Variants in USP10 observed in about 807,000 individuals in gnomAD.
USP10 encodes ubiquitin carboxyl-terminal hydrolase 10.
Under a neutral mutation model 84.5 loss-of-function variants are expected in USP10, and 22 were observed. The ratio of observed to expected loss-of-function variants is 0.26; its 90% CI spans 0.19 to 0.37. USP10 has a LOEUF of 0.37. USP10 is among the 10% of genes least tolerant of loss of function. The pLI, the probability that USP10 is intolerant of heterozygous loss-of-function variation, is 1.00. For missense variants in USP10, 1,019 were observed against 998.9 expected, an observed-to-expected ratio of 1.02 and a Z score of -0.27; for synonymous variants, 454 against 387.6, an observed-to-expected ratio of 1.17 and a Z score of -2.01.
chr16:84,721,918 G>C (rs931285157), intron 1 of USP10, among the ~76,000 whole-genome samples: 1 of 152,160 alleles, frequency 6.6e-6, no homozygotes, highest in Admixed American at 6.5e-5. Context: ...GGCTGATCTT[G>C]AACTCCTCTC....
intron 8 of USP10, 92 bp downstream of exon 8, chr16:84,760,367 G>T: frequency 8.9e-7 from 1 of 1,120,290 alleles, no homozygotes. Context: ...TTTGCCCTCT[G>T]TCTCCAGCGC....
rs115844061 is a variant in USP10, at chr16:84,759,255, G to A, written c.1285-108G>A. ...TGGTGACATATCTAAGTAGTTCAAC[G>A]TCCTTAGCTTCCTTGTGTTTTTATA... On this transcript the variant is annotated intron_variant, in intron 5 of 13. Transcript: ENST00000219473. 1.0e-3 allele frequency: 1,046 copies of A among 1,025,702 alleles called. 6 individuals are homozygous for A. The African/African-American group carries it at 0.015, about 15-fold the overall frequency. 63.5% of individuals were successfully genotyped at this position (1,025,702 alleles called of 1,614,324 possible).
intron 1 of USP10, chr16:84,704,998 G>C (rs1905290958): frequency 4.7e-6 from 6 of 1,268,826 alleles, no homozygotes; most frequent in Admixed American, 2.1e-5. Context: ...CGTCTGCGCT[G>C]TAATGGTGGC....
intron 9 of USP10, 70 bp from the exon 10 acceptor site, chr16:84,764,016 G>A (rs1913526324): frequency 6.7e-7 from 1 of 1,497,960 alleles, no homozygotes; most frequent in East Asian, 2.4e-5. Context: ...GCAATCGACA[G>A]ATCTGTGCCT....
intron 1 of USP10, among the ~76,000 whole-genome samples, chr16:84,704,157 G>A (rs116704962): frequency 0.01 from 1,585 of 152,192 alleles, 25 homozygotes; most frequent in African/African-American, 0.035. Context: ...TTTTTGTTTC[G>A]GTTTTTTGTT....
chr16:84,754,397 C>A (rs1912282194), intron 4 of USP10, among the ~76,000 whole-genome samples: 1 of 152,112 alleles, frequency 6.6e-6, no homozygotes. Context: ...CGTTTAACGA[C>A]GTCGTACCAG....
At chr16:84,760,572 C>G (rs529633273) in intron 8 of USP10, among the ~76,000 whole-genome samples, 1 of 152,304 alleles carries the variant, frequency 6.6e-6, no homozygotes, top group East Asian at 1.9e-4. Context: ...ACCCAGCTTT[C>G]AAGTCAGTTC....
Position 84,745,516 on chromosome 16 carries a change from C to G in USP10, c.1035C>G (p.Leu345=), listed in dbSNP as rs61760198. 1,502 of 1,613,524 alleles carry G rather than the reference C, an allele frequency of 9.3e-4. No individual in the cohort carries two copies. The highest frequency in any genetic ancestry group is 1.2e-3 in the Non-Finnish European group (1,421 of 1,179,644). Residue 345 remains leucine, a synonymous_variant, in exon 4 of 14, where the codon CTC becomes CTG. Transcript: ENST00000219473. ...GCCAGCCCAAGTCCTGGGCCAGCCT[C>G]TTTCATGATTCTAAGCCCTCTTCCT... ...PVSQPKSWAS[L]FHDSKPSSSS... is the part of the protein sequence containing the mutation.
In USP10 at chr16:84,700,188, G is replaced by T. The variant is rs1442807205; in HGVS notation, c.21+77G>T. 16 of 1,121,414 alleles carry T rather than the reference G, an allele frequency of 1.4e-5. No individual in the cohort carries two copies. In the Admixed American group the frequency reaches 2.0e-4, roughly 14 times the overall value. 69.5% of individuals were successfully genotyped at this position (1,121,414 alleles called of 1,614,324 possible). On this transcript the variant is annotated intron_variant, in intron 1 of 13. Transcript: ENST00000219473. Reference sequence around the variant, plus strand: ...CGGACGCCGCGGCGGGCGGGCGTCCGCGCCCTGCCCGGAGCGAGCGTGTGG... The same window carrying T: ...CGGACGCCGCGGCGGGCGGGCGTCCTCGCCCTGCCCGGAGCGAGCGTGTGG...
intron 4 of USP10, among the ~76,000 whole-genome samples, chr16:84,750,950 A>G (rs933088483): frequency 5.9e-5 from 9 of 152,238 alleles, no homozygotes; most frequent in Non-Finnish European, 1.2e-4. Flanking sequence ...TTGGATCAAG[A>G]AACAAAGTTA....
At chr16:84,739,248 A>G (rs1462346157) in intron 2 of USP10, among the ~76,000 whole-genome samples, 1 of 141,658 alleles carries the variant, frequency 7.1e-6, no homozygotes, top group African/African-American at 2.6e-5. Flanking sequence ...TTTAGTAGAG[A>G]CAGGGTTTGT....
In USP10 at chr16:84,730,976, C is replaced by CTT. The variant is rs11401851; in HGVS notation, c.22-2438_22-2437dup. Reference sequence around the variant, plus strand: ...AACTTTTAATATATAGCATTTCTACCTTTTTTTTTTTTTTTTTTTTTTGAC... The same window carrying CTT: ...AACTTTTAATATATAGCATTTCTACCTTTTTTTTTTTTTTTTTTTTTTTTGAC... On this transcript the variant is annotated intron_variant, in intron 1 of 13. Transcript: ENST00000219473. Among the ~76,000 whole-genome samples the CTT allele has an allele frequency of 5.1e-3, 531 of 105,058 alleles. 16 individuals are homozygous for CTT. Among genetic ancestry groups the CTT allele is most frequent in the African/African-American group, 0.017 (480 of 28,434 alleles). The allele number at this position is 105,058 out of a possible 152,430, so 68.9% of individuals were successfully genotyped here.
chr16:84,747,349 A>G (rs933196988), intron 4 of USP10, among the ~76,000 whole-genome samples: 11 of 152,242 alleles, frequency 7.2e-5, no homozygotes, highest in Admixed American at 5.9e-4. Flanking sequence ...ATGGATGGTC[A>G]GAATTGTGTA....
chr16:84,726,400 G>A (rs1908483871), intron 1 of USP10, among the ~76,000 whole-genome samples: 1 of 152,206 alleles, frequency 6.6e-6, no homozygotes, highest in Non-Finnish European at 1.5e-5. Context: ...CAAGGTCTTT[G>A]TTTTTCCTTT....
At chr16:84,720,243 G>A (rs573907253) in intron 1 of USP10, among the ~76,000 whole-genome samples, 2 of 152,206 alleles carry the variant, frequency 1.3e-5, no homozygotes, top group Non-Finnish European at 1.5e-5. Flanking sequence ...GGCGATGTGC[G>A]TTCCTTCCTG....
At position 84,779,055 on chromosome 16, in the gene USP10, G is replaced by A. The variant is rs2150882835; in HGVS notation, c.2370G>A (p.Leu790=). ...KPTAERTAYL[L]YYRRVDLL ...CTGCTGAACGCACAGCCTACCTCCT[G>A]TATTACCGCCGAGTGGACCTGCTGT... Residue 790 remains leucine (L), a synonymous_variant, in exon 14 of 14, where the codon CTG becomes CTA. Transcript: ENST00000219473. 1 of 1,613,890 alleles carries A rather than the reference G, an allele frequency of 6.2e-7. No homozygotes were observed. Among genetic ancestry groups the A allele is most frequent in the South Asian group, 1.1e-5 (1 of 91,078 alleles).
At position 84,744,706 on chromosome 16, in the gene USP10, C is replaced by T. The variant is rs781579765; in HGVS notation, c.225C>T (p.Pro75=). The T allele has an allele frequency of 9.9e-6, 16 of 1,613,674 alleles. No homozygotes were observed. Among genetic ancestry groups the T allele is most frequent in the Non-Finnish European group, 1.4e-5 (16 of 1,179,696 alleles). ...CCAGTGACACTTTGCCGAGAACCCC[C>T]AGCTACAGTATTTCAAGCACACTGA... ...IEPSDTLPRT[P]SYSISSTLNP... Residue 75 remains proline, a synonymous_variant, in exon 4 of 14, where the codon CCC becomes CCT. Transcript: ENST00000219473.
chr16:84,749,549 G>A (rs1246336604), intron 4 of USP10, among the ~76,000 whole-genome samples: 1 of 151,334 alleles, frequency 6.6e-6, no homozygotes, highest in Non-Finnish European at 1.5e-5. Flanking sequence ...AGGCCAGCCT[G>A]GGCAACATAC....
intron 2 of USP10, among the ~76,000 whole-genome samples, chr16:84,737,655 G>A (rs749818045): frequency 2.0e-5 from 3 of 152,212 alleles, no homozygotes; most frequent in South Asian, 2.1e-4. Context: ...GCTGGTGGTC[G>A]TCTCACCAGA....
Sources: allele counts gnomAD v4.1 joint callset (sites outside exome capture counted in the v4.1 genomes callset), GRCh38; gene constraint gnomAD v4.1.1; transcripts MANE v1.5; gene names NCBI Gene and HGNC (gene_info 2026-07-23, HGNC 2026-07-21).